Variants in SLFNL1 observed in about 807,000 individuals in gnomAD.
SLFNL1 encodes schlafen-like protein 1.
Under a neutral mutation model 32.5 loss-of-function variants are expected in SLFNL1, and 26 were observed. That is an observed-to-expected ratio of 0.80 (90% confidence interval 0.59 to 1.11). The LOEUF is 1.11. Among genes scored for constraint, SLFNL1 ranks in the 50% least tolerant of loss-of-function variants. SLFNL1 has a pLI of 0.00. For synonymous variants in SLFNL1, 255 were observed against 242.2 expected (o/e 1.05, Z -0.49); for missense variants, 553 against 546.5 (o/e 1.01, Z -0.12).
chr1:41,016,119 C>CA lies in SLFNL1; in HGVS notation c.1210dup (p.Cys404LeufsTer20). 6.2e-7 allele frequency: 1 copy of CA among 1,613,690 alleles called. No homozygotes were observed. Among genetic ancestry groups the CA allele is most frequent in the Non-Finnish European group, 8.5e-7 (1 of 1,179,788 alleles). ...TCCCCAGGGCCCTCACAGGACACAG[C>CA]AGGTGCAGGACACAGGCCCGTGCTG... On this transcript the variant is annotated frameshift_variant, in exon 6 of 6. Transcript: ENST00000302946. LOFTEE classifies it high-confidence loss of function.
rs1176726171 is a variant in SLFNL1 at position 41,017,977 on chromosome 1, C to T, written c.615G>A (p.Gln205=). ...GGAAGAGCTGGTCCTTGCCCACGATCTGCTGGTGCACAATGGCACTGTCGG... is the reference window on the plus strand; with the variant it reads ...GGAAGAGCTGGTCCTTGCCCACGATTTGCTGGTGCACAATGGCACTGTCGG... ...VCSDSAIVHQ[Q]IVGKDQLFQG... is the part of the protein sequence containing the mutation. The change falls in exon 4 of 6, where the codon CAG becomes CAA. Residue 205 remains glutamine, a synonymous_variant. Transcript: ENST00000302946. This position sits in a 1 kb window ranked among gnomAD's most constrained non-coding sequence, Gnocchi z 4.9. The T allele has an allele frequency of 6.2e-7, 1 of 1,610,616 alleles. No homozygotes were observed. The highest frequency in any genetic ancestry group is 8.5e-7 in the Non-Finnish European group (1 of 1,178,996).
chr1:41,018,777 C>G (rs1332197835), intron 3 of SLFNL1, among the ~76,000 whole-genome samples: 1 of 151,928 alleles, frequency 6.6e-6, no homozygotes, highest in Non-Finnish European at 1.5e-5. Context: ...CCCAGCGAGC[C>G]CCTCCCTGAC....
intron 3 of SLFNL1, among the ~76,000 whole-genome samples, chr1:41,018,828 G>GTTT (rs34061852): frequency 0.028 from 1,690 of 60,672 alleles, 201 homozygotes; most frequent in Non-Finnish European, 0.031. Flanking sequence ...CAACCCTCCT[G>GTTT]TTTTTTTTTT....
At position 41,019,291 on chromosome 1, in the gene SLFNL1, A is replaced by G. The variant is rs146629819; in HGVS notation, c.435+935T>C. On this transcript the variant is annotated intron_variant, in intron 3 of 5. Transcript: ENST00000302946. ...TAGAAACAGGATAAACTTCATACAAATGTGAAATTGAGTTGAAATGTAAGC... is the reference window on the plus strand; with the variant it reads ...TAGAAACAGGATAAACTTCATACAAGTGTGAAATTGAGTTGAAATGTAAGC... Among the ~76,000 whole-genome samples the G allele has an allele frequency of 5.2e-3, 787 of 152,262 alleles. 2 individuals carry two copies. The highest frequency in any genetic ancestry group is 0.017 in the African/African-American group (725 of 41,556).
At chr1:41,016,390 C>T (rs2148430801) in intron 5 of SLFNL1, 162 bp from the exon 6 acceptor site, 7 of 1,106,318 alleles carry the variant, frequency 6.3e-6, no homozygotes, top group Non-Finnish European at 8.9e-6. Context: ...CCACCTTCAA[C>T]CGTGTCAGCC....
In SLFNL1 at chr1:41,017,832, C is replaced by T. The variant is rs760307090; in HGVS notation, c.760G>A (p.Glu254Lys). Reference sequence around the variant, plus strand: ...ACTCCCACGAGCAGGCTGCCGCCCTCGCTGTTGAGGAAGGCGCACACGTAG... The same window carrying T: ...ACTCCCACGAGCAGGCTGCCGCCCTTGCTGTTGAGGAAGGCGCACACGTAG... ...RRYVCAFLNS[E>K]GGSLLVGVED... Residue 254 changes from glutamate to lysine, a missense_variant, in exon 4 of 6, where the codon GAG (glutamate) becomes AAG (lysine). Physicochemically the swap from Glu to Lys is moderately conservative, Grantham distance 56 (BLOSUM62 1). Coordinates refer to ENST00000302946, the MANE Select transcript of SLFNL1 (RefSeq NM_144990.4). The surrounding 1 kb of genome is among the most constrained non-coding windows in gnomAD (Gnocchi z 4.9). 1.1e-4 allele frequency: 180 copies of T among 1,598,690 alleles called. No homozygotes were observed. The highest frequency in any genetic ancestry group is 1.5e-4 in the Non-Finnish European group (172 of 1,168,980).
In SLFNL1 at chr1:41,020,458, C is replaced by T. The variant is rs761643113; in HGVS notation, c.203G>A (p.Arg68Gln). 1.3e-5 allele frequency: 21 copies of T among 1,613,314 alleles called. No individual in the cohort carries two copies. Among genetic ancestry groups the T allele is most frequent in the East Asian group, 1.1e-4 (5 of 44,874 alleles). The change falls in exon 3 of 6, where the codon CGA becomes CAA. Residue 68 changes from arginine to glutamine, a missense_variant. Physicochemically the swap from Arg to Gln is conservative, Grantham distance 43 (BLOSUM62 1). Transcript: ENST00000302946. ...FSVPVLACLL[R>Q]DTLERLEMPV... ...CATCTCCAGCCGCTCCAGGGTGTCTCGCAGCAGGCAGGCAAGCACCGGCAC... is the reference window on the plus strand; with the variant it reads ...CATCTCCAGCCGCTCCAGGGTGTCTTGCAGCAGGCAGGCAAGCACCGGCAC...
At position 41,018,117 on chromosome 1, in the gene SLFNL1, C is replaced by T; in HGVS notation, c.475G>A (p.Gly159Ser). 6.5e-7 allele frequency: 1 copy of T among 1,532,506 alleles called. No homozygotes were observed. The highest frequency in any genetic ancestry group is 8.8e-7 in the Non-Finnish European group (1 of 1,132,950). 94.9% of individuals were successfully genotyped at this position (1,532,506 alleles called of 1,614,324 possible). The stretch of plus-strand genomic sequence containing the variant: ...GGGACACCAGAGCCTGGACTGGGGC[C>T]AGGGCTCAGGCCACTGTCCTCCTCC... Reference protein sequence around the residue: ...EEEEDSGLSPGPSPGSGVPLP... With the variant: ...EEEEDSGLSPSPSPGSGVPLP... Residue 159 changes from glycine (G) to serine (S), a missense_variant, in exon 4 of 6, where the codon GGC becomes AGC. Physicochemically the swap from Gly to Ser is moderately conservative, Grantham distance 56 (BLOSUM62 0). Transcript: ENST00000302946.
chr1:41,020,803 GAC>G, intron 2 of SLFNL1, 25 bp from the exon 3 acceptor site: 1 of 730,396 alleles, frequency 1.4e-6, no homozygotes, highest in Non-Finnish European at 2.2e-6. Context: ...GATTGGCAGA[GAC>G]TGGGCAGGGC....
Position 41,020,236 on chromosome 1 carries a change from C to T in SLFNL1, c.425G>A (p.Ser142Asn), listed in dbSNP as rs753327105. 2 of 1,591,738 alleles carry T rather than the reference C, an allele frequency of 1.3e-6. No homozygotes were observed. Among genetic ancestry groups the T allele is most frequent in the Admixed American group, 3.4e-5 (2 of 58,196 alleles). ...AAAAGTCCCACTTACCTCTCTGTGG[C>T]TGAAGGGCCCTTGGGCCTCACTCAA... The part of the protein sequence containing the change: ...LLLSEAQGPF[S>N]HREEKEEEEE... Residue 142 changes from serine to asparagine, a missense_variant, in exon 3 of 6, where the codon AGC becomes AAC. Coordinates refer to ENST00000302946, the MANE Select transcript of SLFNL1 (RefSeq NM_144990.4).
rs373974407 is a variant in SLFNL1, at chr1:41,017,363, G to A, written c.972C>T (p.Thr324=). Residue 324 remains threonine, a synonymous_variant, in exon 5 of 6, where the codon ACC becomes ACT. Transcript: ENST00000302946. This position sits in a 1 kb window ranked among gnomAD's most constrained non-coding sequence, Gnocchi z 4.9. The stretch of plus-strand genomic sequence containing the variant: ...GGCTCTGGGCCTTGGGGGTGTGCAC[G>A]GTCAGGCGGATCACCTTGGTAGGGG... ...TSVPLKVIRL[T]VHTPKAQSQP... 25 of 1,613,182 alleles carry A rather than the reference G, an allele frequency of 1.5e-5. No homozygotes were observed. The East Asian group carries it at 1.8e-4, about 12-fold the overall frequency.
At position 41,015,615 on chromosome 1, in the gene SLFNL1, T is replaced by C. The variant is rs12121539; in HGVS notation, c.*491A>G. The C allele has an allele frequency of 0.033, 4,984 of 152,546 alleles. 107 individuals carry two copies. Among genetic ancestry groups the C allele is most frequent in the Non-Finnish European group, 0.049 (3,357 of 68,210 alleles). 9.4% of individuals were successfully genotyped at this position (152,546 alleles called of 1,614,324 possible). ...TCTTGTCCCAGGTGCATGTAATTTA[T>C]TAATGGAGCTTTGACAGTCACAAGT... On this transcript the variant is annotated 3_prime_UTR_variant, in exon 6 of 6. Coordinates refer to ENST00000302946, the MANE Select transcript of SLFNL1 (RefSeq NM_144990.4).
intron 3 of SLFNL1, chr1:41,018,425 G>C (rs1643534175): frequency 4.9e-6 from 2 of 406,526 alleles, no homozygotes; most frequent in Non-Finnish European, 8.7e-6. Flanking sequence ...TGCCTGGTGG[G>C]GAAGAAGAGA....
At position 41,015,787 on chromosome 1, in the gene SLFNL1, GC is replaced by G; in HGVS notation, c.*318del. The stretch of plus-strand genomic sequence containing the variant: ...TAGCCAACTGGAGTCACAGACCTCA[GC>G]CTGGGCCAAATGAGCATTTTAGGGA... On this transcript the variant is annotated 3_prime_UTR_variant, in exon 6 of 6. Transcript: ENST00000302946. The G allele has an allele frequency of 4.9e-6, 1 of 202,728 alleles. No individual in the cohort carries two copies. Among genetic ancestry groups the G allele is most frequent in the Non-Finnish European group, 9.8e-6 (1 of 101,564 alleles). The allele number at this position is 202,728 out of a possible 1,614,324, so 12.6% of individuals were successfully genotyped here.
chr1:41,020,256 A>C lies in SLFNL1; in HGVS notation c.405T>G (p.Ser135Arg). Residue 135 changes from serine to arginine, a missense_variant, in exon 3 of 6, where the codon AGT becomes AGG. By Grantham distance (110) the Ser-to-Arg change is moderately radical (BLOSUM62 -1). Coordinates refer to ENST00000302946, the MANE Select transcript of SLFNL1 (RefSeq NM_144990.4). ...TGTGGCTGAAGGGCCCTTGGGCCTC[A>C]CTCAATAGCAGGTCCTTCCCACGGG... is the stretch of plus-strand genomic sequence containing the variant. Reference protein sequence around the residue: ...LAARGKDLLLSEAQGPFSHRE... With the variant: ...LAARGKDLLLREAQGPFSHRE... 1 of 1,606,408 alleles carries C rather than the reference A, an allele frequency of 6.2e-7. No individual in the cohort carries two copies. The highest frequency in any genetic ancestry group is 8.5e-7 in the Non-Finnish European group (1 of 1,175,662).
Position 41,021,662 on chromosome 1 carries a change from C to A in SLFNL1, c.-165G>T, listed in dbSNP as rs1413366976. 1 of 152,232 alleles carries A rather than the reference C, an allele frequency of 6.6e-6. No homozygotes were observed. The highest frequency in any genetic ancestry group is 6.5e-5 in the Admixed American group (1 of 15,290). 9.4% of individuals were successfully genotyped at this position (152,232 alleles called of 1,614,324 possible). A position where few individuals can be genotyped will look rare whatever the true frequency, so the allele number is the denominator to read the frequency against. On this transcript the variant is annotated 5_prime_UTR_variant, in exon 1 of 6. Transcript: ENST00000302946. ...GGCTCCCGCGGGAGCATGGGAGGTG[C>A]CTGCCCTGAGCTCCCATAGCCTCCC...
At position 41,020,340 on chromosome 1, in the gene SLFNL1, G is replaced by A. The variant is rs758037121; in HGVS notation, c.321C>T (p.Ser107=). The A allele has an allele frequency of 4.3e-6, 7 of 1,613,492 alleles. No homozygotes were observed. The highest frequency in any genetic ancestry group is 5.9e-6 in the Non-Finnish European group (7 of 1,180,034). The change falls in exon 3 of 6, where the codon TCC becomes TCT. Residue 107 remains serine (S), a synonymous_variant. Transcript: ENST00000302946. ...GGGCCGTCTGCAGGCGCCAGGGGAG[G>A]GAGGCCAGGGTGTCCCTGTGGACAG... is the stretch of plus-strand genomic sequence containing the variant. ...QVTVHRDTLA[S]LPWRLQTALE...
Position 41,020,237 on chromosome 1 carries a change from T to C in SLFNL1, c.424A>G (p.Ser142Gly). Residue 142 changes from serine to glycine, a missense_variant, in exon 3 of 6, where the codon AGC becomes GGC. Coordinates refer to ENST00000302946, the MANE Select transcript of SLFNL1 (RefSeq NM_144990.4). ...LLLSEAQGPFSHREEKEEEEE... is the reference protein window; with the variant it reads ...LLLSEAQGPFGHREEKEEEEE... ...AAAGTCCCACTTACCTCTCTGTGGC[T>C]GAAGGGCCCTTGGGCCTCACTCAAT... The C allele has an allele frequency of 5.0e-6, 8 of 1,593,278 alleles. No homozygotes were observed. Among genetic ancestry groups the C allele is most frequent in the Non-Finnish European group, 6.8e-6 (8 of 1,168,672 alleles).
intron 3 of SLFNL1, 111 bp from the exon 4 acceptor site, chr1:41,018,267 T>TA (rs1305104609): frequency 6.9e-6 from 8 of 1,154,514 alleles, no homozygotes; most frequent in East Asian, 2.7e-5. Context: ...GCCTGACTCT[T>TA]ACGGACATCC....
Sources: gnomAD v4.1 joint callset for allele counts (sites outside exome capture counted in the v4.1 genomes callset) on GRCh38, gnomAD v4.1.1 for gene constraint, Gnocchi (gnomAD v3.1) non-coding constraint, MANE v1.5 for transcripts, NCBI Gene and HGNC (gene_info 2026-07-23, HGNC 2026-07-21) for gene names.